The following FSD1L variants were observed in gnomAD, a reference collection of about 807,000 sequenced individuals.
FSD1L encodes the protein FSD1-like protein.
FSD1L carries 45 observed loss-of-function variants against 71.6 expected under a neutral mutation model. The observed-to-expected ratio is 0.63, with a 90% CI of 0.49 to 0.81. The LOEUF is 0.81. Among genes scored for constraint, FSD1L ranks in the 30% least tolerant of loss-of-function variants. The pLI is 0.00. For missense variants in FSD1L, 561 were observed against 618.1 expected, an observed-to-expected ratio of 0.91 and a Z score of 0.98; for synonymous variants, 197 against 207.2, an observed-to-expected ratio of 0.95 and a Z score of 0.42.
rs548924713 is a variant in FSD1L, at chr9:105,453,095, G to C, written c.15+4860G>C. Among the ~76,000 whole-genome samples the C allele has an allele frequency of 8.4e-5, 10 of 118,938 alleles. No homozygotes were observed. The East Asian group carries it at 3.0e-3, about 36-fold the overall frequency. The allele number at this position is 118,938 out of a possible 152,430, so 78.0% of individuals were successfully genotyped here. ...AAGCTAGTTAAGTGTAGTGAAAATAGTTGATAGATGATAAAGAACATGATT... is the reference window on the plus strand; with the variant it reads ...AAGCTAGTTAAGTGTAGTGAAAATACTTGATAGATGATAAAGAACATGATT... On this transcript the variant is annotated intron_variant, in intron 1 of 13. Transcript: ENST00000481272.
At chr9:105,490,045 G>A (rs1364793769) in intron 7 of FSD1L, among the ~76,000 whole-genome samples, 1 of 152,176 alleles carries the variant, frequency 6.6e-6, no homozygotes, top group Non-Finnish European at 1.5e-5. Context: ...GGGTCAAATG[G>A]TATTTCTAGT....
intron 7 of FSD1L, among the ~76,000 whole-genome samples, chr9:105,496,507 G>A (rs1833415420): frequency 6.6e-6 from 1 of 152,100 alleles, no homozygotes; most frequent in Non-Finnish European, 1.5e-5. Context: ...TAAGAACATT[G>A]AGTATTTCTA....
At chr9:105,454,343 C>A (rs1197178773) in intron 1 of FSD1L, among the ~76,000 whole-genome samples, 2 of 151,988 alleles carry the variant, frequency 1.3e-5, no homozygotes, top group East Asian at 1.9e-4. Context: ...TTTTACAGTA[C>A]CCTTTTGTTG....
intron 10 of FSD1L, chr9:105,521,201 A>G: frequency 6.2e-7 from 1 of 1,614,216 alleles, no homozygotes; most frequent in Non-Finnish European, 8.5e-7. Flanking sequence ...GGCTGGAGCC[A>G]AAACCACATA....
intron 1 of FSD1L, among the ~76,000 whole-genome samples, chr9:105,453,583 T>G (rs1830187851): frequency 6.6e-6 from 1 of 152,170 alleles, no homozygotes; most frequent in Non-Finnish European, 1.5e-5. Context: ...GTCTTAGCTT[T>G]CTATAGTAGA....
At chr9:105,520,108 G>T in intron 10 of FSD1L, 1 of 1,591,704 alleles carries the variant, frequency 6.3e-7, no homozygotes, top group Non-Finnish European at 8.6e-7. Context: ...GGCAGTGGCA[G>T]TGGCAGTGGC....
intron 13 of FSD1L, among the ~76,000 whole-genome samples, chr9:105,544,644 T>C (rs1749150500): frequency 6.6e-6 from 1 of 152,222 alleles, no homozygotes; most frequent in South Asian, 2.1e-4. Flanking sequence ...TTTCTACATA[T>C]GGCTAGCCAG....
upstream of FSD1L, chr9:105,447,852 A>G: frequency 2.8e-6 from 1 of 354,638 alleles, no homozygotes; most frequent in African/African-American, 2.2e-5. Context: ...GGCCTATTTC[A>G]GGGCCGGAGA....
chr9:105,521,035 GT>G (rs1242457051), intron 10 of FSD1L: 1 of 1,612,400 alleles, frequency 6.2e-7, no homozygotes, highest in Non-Finnish European at 8.5e-7. Flanking sequence ...AAGGAAAACA[GT>G]TTATATCATC....
intron 10 of FSD1L, among the ~76,000 whole-genome samples, chr9:105,518,197 C>G (rs936855781): frequency 6.6e-6 from 1 of 152,140 alleles, no homozygotes; most frequent in Non-Finnish European, 1.5e-5. Flanking sequence ...ATTAGACTCC[C>G]ATACAGTAAT....
chr9:105,523,470 G>T (rs1835312630), intron 10 of FSD1L: 1 of 1,612,396 alleles, frequency 6.2e-7, no homozygotes, highest in African/African-American at 1.3e-5. Context: ...AGGCATTTTG[G>T]GAGATGTAAA....
intron 10 of FSD1L, chr9:105,522,426 C>G: frequency 6.2e-7 from 1 of 1,613,482 alleles, no homozygotes. Flanking sequence ...TCGTGATCAG[C>G]CTGGCCAAGC....
Position 105,461,610 on chromosome 9 carries a change from C to T in FSD1L, c.106C>T (p.Gln36Ter). Residue 36 changes from glutamine to a stop codon, truncating the protein, a stop_gained, in exon 2 of 14, where the codon CAG (glutamine) becomes TAG (stop). Transcript: ENST00000481272. LOFTEE classifies it high-confidence loss of function. ...ITIGPESINL[Q>*]QEALQRIIST... ...TATTGGACCAGAGTCTATTAACTTG[C>T]AGCAGGTTGGTAGCTCTTAAAGGAG... 1 of 1,545,692 alleles carries T rather than the reference C, an allele frequency of 6.5e-7. No individual in the cohort carries two copies.
chr9:105,521,001 C>A (rs1230001299), intron 10 of FSD1L: 3 of 1,611,698 alleles, frequency 1.9e-6, no homozygotes. Context: ...ATATTACTTG[C>A]CTTATATTTT....
intron 1 of FSD1L, 72 bp downstream of exon 1, chr9:105,448,307 C>G (rs1443283453): frequency 7.1e-7 from 1 of 1,404,236 alleles, no homozygotes; most frequent in Non-Finnish European, 9.4e-7. Context: ...GGCGCCTGGG[C>G]CCGTGGGCTG....
intron 7 of FSD1L, among the ~76,000 whole-genome samples, chr9:105,497,520 A>G (rs1286120582): frequency 1.3e-5 from 2 of 152,180 alleles, no homozygotes; most frequent in Non-Finnish European, 2.9e-5. Flanking sequence ...GAAAGTTATT[A>G]GTATCGATTC....
chr9:105,523,384 G>A, intron 10 of FSD1L: 1 of 1,603,950 alleles, frequency 6.2e-7, no homozygotes, highest in South Asian at 1.1e-5. Flanking sequence ...CCATCAGAAT[G>A]TTGTAGTGTG....
chr9:105,502,869 GA>G (rs1833847371), intron 7 of FSD1L, among the ~76,000 whole-genome samples: 1 of 150,134 alleles, frequency 6.7e-6, no homozygotes, highest in Non-Finnish European at 1.5e-5. Context: ...CGTCCAGAAG[GA>G]AAACTGTAAT....
chr9:105,468,272 G>T lies in FSD1L; in HGVS notation c.287G>T (p.Ser96Ile), dbSNP rs41316532. The change falls in exon 4 of 14, where the codon AGT (serine) becomes ATT (isoleucine). Residue 96 changes from serine to isoleucine, a missense_variant. Physicochemically the swap from Ser to Ile is moderately radical, Grantham distance 142. Coordinates refer to ENST00000481272, the MANE Select transcript of FSD1L (RefSeq NM_001145313.3). The stretch of plus-strand genomic sequence containing the variant: ...TCTATACTGGATGAAGTAAAAGAAA[G>T]TATGATTAACTGTATCAAGCAGGAA... ...LYSILDEVKE[S>I]MINCIKQEQA... 8.7e-3 allele frequency: 13,003 copies of T among 1,486,744 alleles called. 72 individuals carry two copies. Among genetic ancestry groups the T allele is most frequent in the South Asian group, 0.015 (1,102 of 71,500 alleles). The allele number at this position is 1,486,744 out of a possible 1,614,324, so 92.1% of individuals were successfully genotyped here. A position where few individuals can be genotyped will look rare whatever the true frequency, so the allele number is the denominator to read the frequency against.
Sources: gnomAD v4.1 joint callset for allele counts (sites outside exome capture counted in the v4.1 genomes callset) on GRCh38, gnomAD v4.1.1 for gene constraint, MANE v1.5 for transcripts, NCBI Gene and HGNC (gene_info 2026-07-23, HGNC 2026-07-21) for gene names.